The following C8orf34 variants were observed in gnomAD, a reference collection of about 807,000 sequenced individuals.
The protein encoded by C8orf34 is uncharacterized protein C8orf34.
C8orf34 carries 65 observed loss-of-function variants against 68.3 expected under a neutral mutation model. The ratio of observed to expected loss-of-function variants is 0.95; its 90% CI spans 0.78 to 1.17. C8orf34 has a LOEUF of 1.17. Among genes scored for constraint, C8orf34 ranks in the 50% most tolerant of loss-of-function variants. The pLI is 0.00. For synonymous variants in C8orf34, 244 were observed against 241.2 expected (o/e 1.01, Z -0.11); for missense variants, 664 against 655.4 (o/e 1.01, Z -0.14).
intron 1 of C8orf34, among the ~76,000 whole-genome samples, chr8:68,377,487 A>G (rs920216049): frequency 2.6e-5 from 4 of 152,122 alleles, no homozygotes; most frequent in African/African-American, 7.2e-5. Context: ...TGGTAAGCCT[A>G]CTGTTAGGAG....
In C8orf34 at chr8:68,446,372, T is replaced by A; in HGVS notation, c.519T>A (p.Pro173=). ...GGGATTTCAGAAGCTATGATAAACCTTGGCAATTAAATGCAAAGAAGCCTA... is the reference window on the plus strand; with the variant it reads ...GGGATTTCAGAAGCTATGATAAACCATGGCAATTAAATGCAAAGAAGCCTA... ...TRRDFRSYDK[P]WQLNAKKPKK... The change falls in exon 3 of 14, where the codon CCT becomes CCA. Residue 173 remains proline (P), a synonymous_variant. Coordinates refer to ENST00000518698, the MANE Select transcript of C8orf34 (RefSeq NM_052958.4). 1 of 1,611,852 alleles carries A rather than the reference T, an allele frequency of 6.2e-7. No homozygotes were observed. The highest frequency in any genetic ancestry group is 8.5e-7 in the Non-Finnish European group (1 of 1,179,262).
At chr8:68,463,721 G>T (rs1298336807) in intron 3 of C8orf34, among the ~76,000 whole-genome samples, 1 of 152,068 alleles carries the variant, frequency 6.6e-6, no homozygotes, top group Non-Finnish European at 1.5e-5. Flanking sequence ...TGCAGAAAAG[G>T]CCTTTGAAAA....
chr8:68,411,798 T>C (rs6981953), intron 1 of C8orf34, among the ~76,000 whole-genome samples: 5,234 of 152,294 alleles, frequency 0.034, 305 homozygotes, highest in African/African-American at 0.12. Flanking sequence ...TACAGATTTT[T>C]TTCTATGCCT....
At chr8:68,593,815 C>A (rs1487648993) in intron 7 of C8orf34, among the ~76,000 whole-genome samples, 2 of 151,714 alleles carry the variant, frequency 1.3e-5, no homozygotes, top group African/African-American at 4.8e-5. Context: ...CATTTTATTT[C>A]TTTAGTATTC....
At chr8:68,729,810 C>T (rs1821930640) in intron 10 of C8orf34, among the ~76,000 whole-genome samples, 1 of 152,020 alleles carries the variant, frequency 6.6e-6, no homozygotes, top group Non-Finnish European at 1.5e-5. Context: ...ATTAATATTG[C>T]TACACTGTAC....
At chr8:68,746,093 A>G (rs1288034319) in intron 10 of C8orf34, among the ~76,000 whole-genome samples, 1 of 152,102 alleles carries the variant, frequency 6.6e-6, no homozygotes, top group Non-Finnish European at 1.5e-5. Flanking sequence ...ACTCAAAACC[A>G]CTCAATTACA....
chr8:68,574,707 T>C (rs536092959), intron 7 of C8orf34, among the ~76,000 whole-genome samples: 1 of 152,170 alleles, frequency 6.6e-6, no homozygotes, highest in Non-Finnish European at 1.5e-5. Flanking sequence ...AACACATGCA[T>C]AAGAGGTTAC....
At chr8:68,471,326 A>G (rs766752470) in intron 4 of C8orf34, among the ~76,000 whole-genome samples, 2 of 152,110 alleles carry the variant, frequency 1.3e-5, no homozygotes, top group Non-Finnish European at 2.9e-5. Flanking sequence ...TTGAGTTTCT[A>G]TGATTTTCTG....
chr8:68,635,305 G>T (rs546986359), intron 7 of C8orf34, among the ~76,000 whole-genome samples: 2 of 152,282 alleles, frequency 1.3e-5, no homozygotes, highest in East Asian at 3.9e-4. Context: ...GATAGTTGAA[G>T]ATTTTGGCCT....
rs1484445104 is a variant in C8orf34 at position 68,587,981 on chromosome 8, T to C, written c.1106-52395T>C. On this transcript the variant is annotated intron_variant, in intron 7 of 13. Transcript: ENST00000518698. The stretch of plus-strand genomic sequence containing the variant: ...CCAGTTCATATTTTAGGTATTTCTG[T>C]TTAATTTTAGATGCCATATTTTTAA... Among the ~76,000 whole-genome samples, 5 of 152,264 alleles carry C rather than the reference T, an allele frequency of 3.3e-5. No homozygotes were observed. The South Asian group carries it at 6.2e-4, about 19-fold the overall frequency.
In C8orf34 at chr8:68,527,281, T is replaced by C. The variant is rs1007414320; in HGVS notation, c.938+5310T>C. 9.2e-5 allele frequency among the ~76,000 whole-genome samples: 14 copies of C among 152,154 alleles called. No homozygotes were observed. The South Asian group carries it at 2.5e-3, about 27-fold the overall frequency. The stretch of plus-strand genomic sequence containing the variant: ...CATTTCATCCTTATGAAAACACTAT[T>C]ATTCAGAAATGAGAGGCCCGGCGCA... On this transcript the variant is annotated intron_variant, in intron 6 of 13. Transcript: ENST00000518698.
intron 7 of C8orf34, among the ~76,000 whole-genome samples, chr8:68,563,590 G>A (rs1251365439): frequency 1.3e-5 from 2 of 151,820 alleles, no homozygotes; most frequent in Admixed American, 6.6e-5. Context: ...TCAAATAAAA[G>A]CCAGCTAGCA....
chr8:68,679,234 C>A (rs1041280426), intron 8 of C8orf34, among the ~76,000 whole-genome samples: 3 of 151,944 alleles, frequency 2.0e-5, no homozygotes, highest in African/African-American at 7.3e-5. Context: ...TTGCAGTGAG[C>A]CAAGATCCCA....
At chr8:68,748,580 A>G (rs1302406435) in intron 10 of C8orf34, among the ~76,000 whole-genome samples, 1 of 152,262 alleles carries the variant, frequency 6.6e-6, no homozygotes, top group East Asian at 1.9e-4. Context: ...GGCGAAGGAC[A>G]TGAAGAGGCA....
At chr8:68,368,221 AT>A (rs1325261886) in intron 1 of C8orf34, among the ~76,000 whole-genome samples, 1 of 152,124 alleles carries the variant, frequency 6.6e-6, no homozygotes, top group Non-Finnish European at 1.5e-5. Context: ...TTTTTCAATG[AT>A]TTTAAATGTG....
intron 8 of C8orf34, among the ~76,000 whole-genome samples, chr8:68,685,852 G>T (rs1013511507): frequency 6.0e-5 from 9 of 150,410 alleles, no homozygotes; most frequent in Non-Finnish European, 7.4e-5. Context: ...ACTCCAGCCT[G>T]GGTGACAGAG....
At chr8:68,811,780 T>C (rs1416094387) in intron 12 of C8orf34, among the ~76,000 whole-genome samples, 2 of 152,266 alleles carry the variant, frequency 1.3e-5, no homozygotes, top group Non-Finnish European at 2.9e-5. Context: ...TGTAGTGGTA[T>C]CTTATTTAAT....
At chr8:68,703,593 G>T (rs1169971166) in intron 8 of C8orf34, among the ~76,000 whole-genome samples, 1 of 151,970 alleles carries the variant, frequency 6.6e-6, no homozygotes, top group East Asian at 1.9e-4. Flanking sequence ...ACATATATAT[G>T]TGCAACTCAA....
At chr8:68,488,209 T>C (rs553617616) in intron 5 of C8orf34, among the ~76,000 whole-genome samples, 158 bp downstream of exon 5, 21 of 152,304 alleles carry the variant, frequency 1.4e-4, no homozygotes, top group Admixed American at 2.6e-4. Flanking sequence ...TATTGTTTTA[T>C]GAAAGCTATT....
Sources: gnomAD v4.1 joint callset for allele counts (sites outside exome capture counted in the v4.1 genomes callset) on GRCh38, gnomAD v4.1.1 for gene constraint, MANE v1.5 for transcripts, NCBI Gene and HGNC (gene_info 2026-07-23, HGNC 2026-07-21) for gene names.